Variants in TBX2 observed in about 807,000 individuals in gnomAD.
TBX2 encodes the protein T-box transcription factor TBX2.
TBX2 carries 19 observed loss-of-function variants against 48.4 expected under a neutral mutation model. The observed-to-expected ratio is 0.39, with a 90% CI of 0.27 to 0.58. The LOEUF is 0.58. TBX2 is among the 20% of genes least tolerant of loss of function. The pLI is 0.54. For synonymous variants in TBX2, 522 were observed against 459.7 expected, an observed-to-expected ratio of 1.14 and a Z score of -1.73; for missense variants, 994 against 1,006.5, an observed-to-expected ratio of 0.99 and a Z score of 0.17.
At position 61,403,705 on chromosome 17, in the gene TBX2, C is replaced by T. The variant is rs2060275827; in HGVS notation, c.810+498C>T. Among the ~76,000 whole-genome samples, 1 of 151,992 alleles carries T rather than the reference C, an allele frequency of 6.6e-6. No homozygotes were observed. Among genetic ancestry groups the T allele is most frequent in the Non-Finnish European group, 1.5e-5 (1 of 68,012 alleles). ...GGCTACTGCTCTGGGTCAGTCTAGG[C>T]CCCAGACCCCTTGGGAGGCGCTTAG... On this transcript the variant is annotated intron_variant, in intron 3 of 6. Coordinates refer to ENST00000240328, the MANE Select transcript of TBX2 (RefSeq NM_005994.4). This position sits in a 1 kb window ranked among gnomAD's most constrained non-coding sequence, Gnocchi z 5.8.
In TBX2 at chr17:61,400,500, G is replaced by C. The variant is rs377494110; in HGVS notation, c.324G>C (p.Thr108=). Residue 108 remains threonine (T), a synonymous_variant, in exon 1 of 7, where the codon ACG becomes ACC. Transcript: ENST00000240328. The surrounding 1 kb of genome is among the most constrained non-coding windows in gnomAD (Gnocchi z 9.2). ...EDEVEDDPKV[T]LEAKELWDQF... ...AGGTGGAGGACGACCCCAAGGTGAC[G>C]CTGGAGGCCAAGGAGCTGTGGGACC... 4.2e-5 allele frequency: 67 copies of C among 1,601,036 alleles called. No individual in the cohort carries two copies. The African/African-American group carries it at 8.3e-4, about 20-fold the overall frequency.
At position 61,400,624 on chromosome 17, in the gene TBX2, A is replaced by G. The variant is rs2060260430; in HGVS notation, c.395+53A>G. The G allele has an allele frequency of 1.3e-6, 2 of 1,502,692 alleles. No individual in the cohort carries two copies. The highest frequency in any genetic ancestry group is 1.2e-5 in the South Asian group (1 of 83,004). 93.1% of individuals were successfully genotyped at this position (1,502,692 alleles called of 1,614,324 possible). ...CGCGGGCGGGCGGGCGGGCTGGGGC[A>G]CGGGACTGCACGGATCAGAGCAGAG... On this transcript the variant is annotated intron_variant, in intron 1 of 6. Transcript: ENST00000240328. The surrounding 1 kb of genome is among the most constrained non-coding windows in gnomAD (Gnocchi z 9.2).
At chr17:61,407,751 C>T (rs1422124248) in intron 6 of TBX2, 5 of 348,966 alleles carry the variant, frequency 1.4e-5, no homozygotes, top group Non-Finnish European at 2.6e-5. Context: ...CCCTCAAGGC[C>T]TTCACCCGTG....
rs750429318 is a variant in TBX2, at chr17:61,405,292, C to T, written c.1142C>T (p.Ala381Val). The T allele has an allele frequency of 6.4e-7, 1 of 1,560,708 alleles. No homozygotes were observed. The highest frequency in any genetic ancestry group is 8.6e-7 in the Non-Finnish European group (1 of 1,160,930). ...RAGAPLGRSP[A>V]PDSASPTRLT... is the part of the protein sequence containing the mutation. ...GGGGCGCCGCTAGGCCGCAGCCCGGCTCCAGACAGCGCCAGCCCCACTCGC... is the reference window on the plus strand; with the variant it reads ...GGGGCGCCGCTAGGCCGCAGCCCGGTTCCAGACAGCGCCAGCCCCACTCGC... The change falls in exon 6 of 7, where the codon GCT (alanine) becomes GTT (valine). Residue 381 changes from alanine (A) to valine (V), a missense_variant. This residue lies in a region of TBX2 where 639 missense variants were observed against 613.2 expected (regional missense o/e 1.04). Coordinates refer to ENST00000240328, the MANE Select transcript of TBX2 (RefSeq NM_005994.4).
At position 61,403,857 on chromosome 17, in the gene TBX2, G is replaced by A. The variant is rs2060276724; in HGVS notation, c.811-564G>A. On this transcript the variant is annotated intron_variant, in intron 3 of 6. Transcript: ENST00000240328. This position sits in a 1 kb window ranked among gnomAD's most constrained non-coding sequence, Gnocchi z 5.8. ...CACTGTCGAGTGAAAGAGAGGGTAC[G>A]AGTGTCCGTGCCGGTCGTTGTGGCT... Among the ~76,000 whole-genome samples, 1 of 152,206 alleles carries A rather than the reference G, an allele frequency of 6.6e-6. No individual in the cohort carries two copies. The highest frequency in any genetic ancestry group is 2.4e-5 in the African/African-American group (1 of 41,454).
Position 61,408,553 on chromosome 17 carries a change from T to G in TBX2, c.*47T>G. ...TGCCACGCAGGCCACCCGGGCTGCC[T>G]GCCCCTGCTGCTTGGGACGTGTACA... On this transcript the variant is annotated 3_prime_UTR_variant, in exon 7 of 7. Transcript: ENST00000240328. 2 of 1,413,230 alleles carry G rather than the reference T, an allele frequency of 1.4e-6. No homozygotes were observed. Among genetic ancestry groups the G allele is most frequent in the South Asian group, 3.0e-5 (2 of 65,830 alleles). 87.5% of individuals were successfully genotyped at this position (1,413,230 alleles called of 1,614,324 possible).
intron 1 of TBX2, among the ~76,000 whole-genome samples, chr17:61,401,370 AG>A (rs1365274752): frequency 6.6e-6 from 1 of 152,230 alleles, no homozygotes; most frequent in African/African-American, 2.4e-5. Context: ...ATATTTCTAG[AG>A]GGCCTAGACT....
In TBX2 at chr17:61,405,713, C is replaced by T; in HGVS notation, c.1563C>T (p.Gly521=). The T allele has an allele frequency of 1.5e-6, 2 of 1,373,062 alleles. No individual in the cohort carries two copies. Among genetic ancestry groups the T allele is most frequent in the Non-Finnish European group, 1.9e-6 (2 of 1,068,730 alleles). 85.1% of individuals were successfully genotyped at this position (1,373,062 alleles called of 1,614,324 possible). ...LLASVAGGGN[G]GGGGPGTAAG... ...CCTCGGTGGCAGGCGGCGGCAACGG[C>T]GGAGGTGGCGGGCCTGGGACCGCCG... Residue 521 remains glycine (G), a synonymous_variant, in exon 6 of 7, where the codon GGC becomes GGT. Coordinates refer to ENST00000240328, the MANE Select transcript of TBX2 (RefSeq NM_005994.4).
In TBX2 at chr17:61,408,149, T is replaced by TGCTGCA. The variant is rs761267596; in HGVS notation, c.1788_1793dup (p.Ala602_Ala603dup). 4 of 1,611,604 alleles carry TGCTGCA rather than the reference T, an allele frequency of 2.5e-6. No individual in the cohort carries two copies. Among genetic ancestry groups the TGCTGCA allele is most frequent in the Non-Finnish European group, 3.4e-6 (4 of 1,179,472 alleles). ...CCGCCTCGGCTTTGCCCGCCACTAG[T>TGCTGCA]GCTGCAGCTGCCGCCGCCGCAGCCG... On this transcript the variant is annotated inframe_insertion, in exon 7 of 7. Coordinates refer to ENST00000240328, the MANE Select transcript of TBX2 (RefSeq NM_005994.4).
At chr17:61,401,565 G>A in intron 1 of TBX2, 119 bp from the exon 2 acceptor site, 1 of 1,389,292 alleles carries the variant, frequency 7.2e-7, no homozygotes, top group Non-Finnish European at 9.6e-7. Flanking sequence ...CCGACCACAG[G>A]GGAAACAGCC....
chr17:61,404,686 C>G lies in TBX2; in HGVS notation c.968C>G (p.Ser323Trp), dbSNP rs1438473592. The change falls in exon 5 of 7, where the codon TCG (serine) becomes TGG (tryptophan). Residue 323 changes from serine (S) to tryptophan (W), a missense_variant. This residue lies in a region of TBX2 where 639 missense variants were observed against 613.2 expected (regional missense o/e 1.04). Coordinates refer to ENST00000240328, the MANE Select transcript of TBX2 (RefSeq NM_005994.4). Reference sequence around the variant, plus strand: ...CGCGATGGCGCGGAGTCAGACGCCTCGTCGTGCGACCCTCCCCCCGCGCGG... The same window carrying G: ...CGCGATGGCGCGGAGTCAGACGCCTGGTCGTGCGACCCTCCCCCCGCGCGG... ...PERDGAESDA[S>W]SCDPPPAREP... The G allele has an allele frequency of 1.3e-6, 2 of 1,579,934 alleles. No individual in the cohort carries two copies. Among genetic ancestry groups the G allele is most frequent in the Non-Finnish European group, 1.7e-6 (2 of 1,163,306 alleles).
chr17:61,404,932 G>A (rs952744465), intron 5 of TBX2, 163 bp downstream of exon 5: 1 of 1,258,848 alleles, frequency 7.9e-7, no homozygotes, highest in Non-Finnish European at 1.1e-6. Flanking sequence ...CTACGAGGGC[G>A]GTCCCCGGTA....
rs901149617 is a variant in TBX2 at position 61,405,893 on chromosome 17, G to A, written c.1686+57G>A. The A allele has an allele frequency of 2.4e-6, 3 of 1,262,742 alleles. No homozygotes were observed. The African/African-American group carries it at 4.6e-5, about 19-fold the overall frequency. The allele number at this position is 1,262,742 out of a possible 1,614,324, so 78.2% of individuals were successfully genotyped here. On this transcript the variant is annotated intron_variant, in intron 6 of 6. Transcript: ENST00000240328. ...GAGGGAGAAGGCCCAGGGAGCTGGC[G>A]GCGAGGCCAGCGGAGGGCCTGAGGG...
chr17:61,406,092 C>G lies in TBX2; in HGVS notation c.1686+256C>G. ...ACCTTTGGCAAGTCCCTGACCCTCTCTGGGCCTGCTTCCTTCCCTATAGCC... is the reference window on the plus strand; with the variant it reads ...ACCTTTGGCAAGTCCCTGACCCTCTGTGGGCCTGCTTCCTTCCCTATAGCC... On this transcript the variant is annotated intron_variant, in intron 6 of 6. Transcript: ENST00000240328. The surrounding 1 kb of genome is among the most constrained non-coding windows in gnomAD (Gnocchi z 5.7). 2.6e-6 allele frequency: 1 copy of G among 378,434 alleles called. No individual in the cohort carries two copies. The highest frequency in any genetic ancestry group is 3.9e-5 in the East Asian group (1 of 25,912). 23.4% of individuals were successfully genotyped at this position (378,434 alleles called of 1,614,324 possible). A position where few individuals can be genotyped will look rare whatever the true frequency, so the allele number is the denominator to read the frequency against.
Position 61,400,768 on chromosome 17 carries a change from AC to A in TBX2, c.395+198del, listed in dbSNP as rs1489983770. Among the ~76,000 whole-genome samples, 1 of 152,138 alleles carries A rather than the reference AC, an allele frequency of 6.6e-6. No individual in the cohort carries two copies. Among genetic ancestry groups the A allele is most frequent in the Non-Finnish European group, 1.5e-5 (1 of 67,992 alleles). On this transcript the variant is annotated intron_variant, in intron 1 of 6. Transcript: ENST00000240328. The surrounding 1 kb of genome is among the most constrained non-coding windows in gnomAD (Gnocchi z 9.2). ...GGCACCGGAGCGATTTTTTTTTAAAACAAAAACGCTAAAATCCTCCGAATGA... is the reference window on the plus strand; with the variant it reads ...GGCACCGGAGCGATTTTTTTTTAAAAAAAAACGCTAAAATCCTCCGAATGA...
chr17:61,402,930 T>TAGAGAGAGAGAGAG lies in TBX2; in HGVS notation c.664-103_664-90dup, dbSNP rs1555876930. On this transcript the variant is annotated intron_variant, in intron 2 of 6. Coordinates refer to ENST00000240328, the MANE Select transcript of TBX2 (RefSeq NM_005994.4). The stretch of plus-strand genomic sequence containing the variant: ...GAAAATGGGGAAGAGGAAGAACCGA[T>TAGAGAGAGAGAGAG]AGAGAGAGAGAGAGAGAGAGAGAGA... 581 of 172,118 alleles carry TAGAGAGAGAGAGAG rather than the reference T, an allele frequency of 3.4e-3. 1 individual carries two copies. The highest frequency in any genetic ancestry group is 4.7e-3 in the Non-Finnish European group (443 of 93,662). 10.7% of individuals were successfully genotyped at this position (172,118 alleles called of 1,614,324 possible).
Position 61,400,248 on chromosome 17 carries a change from C to A in TBX2, c.72C>A (p.Phe24Leu). 1 of 1,211,604 alleles carries A rather than the reference C, an allele frequency of 8.3e-7. No individual in the cohort carries two copies. Among genetic ancestry groups the A allele is most frequent in the Non-Finnish European group, 1.1e-6 (1 of 950,296 alleles). 75.1% of individuals were successfully genotyped at this position (1,211,604 alleles called of 1,614,324 possible). Residue 24 changes from phenylalanine (F) to leucine (L), a missense_variant, in exon 1 of 7, where the codon TTC (phenylalanine) becomes TTA (leucine). Phe to Leu is a conservative substitution (Grantham distance 22). This residue lies in a region of TBX2 where 165 missense variants were observed against 136.8 expected (regional missense o/e 1.21). Transcript: ENST00000240328. The surrounding 1 kb of genome is among the most constrained non-coding windows in gnomAD (Gnocchi z 9.2). Reference protein sequence around the residue: ...HPFHAPRPADFPMSAFLAAAQ... With the variant: ...HPFHAPRPADLPMSAFLAAAQ... The stretch of plus-strand genomic sequence containing the variant: ...TCCACGCGCCACGGCCCGCCGACTT[C>A]CCCATGTCCGCCTTTCTGGCGGCGG...
rs2060255668 is a variant in TBX2, at chr17:61,399,914, C to CT, written c.-262dup. 6.6e-6 allele frequency: 1 copy of CT among 151,846 alleles called. No individual in the cohort carries two copies. The highest frequency in any genetic ancestry group is 2.4e-5 in the African/African-American group (1 of 41,410). The allele number at this position is 151,846 out of a possible 1,614,324, so 9.4% of individuals were successfully genotyped here. ...AGTTTTCCAGAGATCACGACAAGAT[C>CT]TAACCAGTCGCGCGTGGTCCCCGGC... On this transcript the variant is annotated 5_prime_UTR_variant, in exon 1 of 7. Coordinates refer to ENST00000240328, the MANE Select transcript of TBX2 (RefSeq NM_005994.4). The surrounding 1 kb of genome is among the most constrained non-coding windows in gnomAD (Gnocchi z 4.7).
rs201360135 is a variant in TBX2 at position 61,403,157 on chromosome 17, G to C, written c.760G>C (p.Val254Leu). ...KLPYSTFRTY[V>L]FPETDFIAVT... ...GCCTTACAGCACCTTCCGCACCTACGTGTTCCCGGAGACCGACTTCATCGC... is the reference window on the plus strand; with the variant it reads ...GCCTTACAGCACCTTCCGCACCTACCTGTTCCCGGAGACCGACTTCATCGC... Residue 254 changes from valine to leucine, a missense_variant, in exon 3 of 7, where the codon GTG becomes CTG. Physicochemically the swap from Val to Leu is conservative, Grantham distance 32. This residue lies in a region of TBX2 where 153 missense variants were observed against 166.2 expected (regional missense o/e 0.92). Coordinates refer to ENST00000240328, the MANE Select transcript of TBX2 (RefSeq NM_005994.4). The surrounding 1 kb of genome is among the most constrained non-coding windows in gnomAD (Gnocchi z 5.8). 26 of 1,613,500 alleles carry C rather than the reference G, an allele frequency of 1.6e-5. No homozygotes were observed. Among genetic ancestry groups the C allele is most frequent in the Non-Finnish European group, 2.1e-5 (25 of 1,179,996 alleles).
Sources: gnomAD v4.1 joint callset for allele counts (sites outside exome capture counted in the v4.1 genomes callset) on GRCh38, gnomAD v4.1.1 for gene constraint, gnomAD v4.1.1 regional missense constraint, Gnocchi (gnomAD v3.1) non-coding constraint, MANE v1.5 for transcripts, NCBI Gene and HGNC (gene_info 2026-07-23, HGNC 2026-07-21) for gene names.